TENM1: variants seen among roughly 807,000 people sequenced by gnomAD.
TENM1 encodes the protein teneurin transmembrane protein 1, also known as teneurin-1.
TENM1 carries 35 observed loss-of-function variants against 174.8 expected under a neutral mutation model. The ratio of observed to expected loss-of-function variants is 0.20; its 90% CI spans 0.15 to 0.27. TENM1 has a LOEUF of 0.27. Among genes scored for constraint, TENM1 ranks in the 10% least tolerant of loss-of-function variants. The pLI, the probability that TENM1 is intolerant of heterozygous loss-of-function variation, is 1.00. For missense variants in TENM1, 1,633 were observed against 2,130.1 expected (o/e 0.77, Z 4.59); for synonymous variants, 781 against 798.7 (o/e 0.98, Z 0.37).
At chrX:124,401,161 G>C (rs770185095) in intron 27 of TENM1, among the ~76,000 whole-genome samples, 1 of 111,565 alleles carries the variant, frequency 9.0e-6, no homozygotes, top group South Asian at 3.8e-4. Context: ...TCCAAAGATA[G>C]GTCTATCCTT....
At chrX:124,676,993 A>G (rs1411322895) in intron 5 of TENM1, among the ~76,000 whole-genome samples, 2 of 110,915 alleles carry the variant, frequency 1.8e-5, no homozygotes, top group African/African-American at 6.5e-5. Context: ...GCACACTTGA[A>G]GTGTGGCTAG....
the TENM1 span, among the ~76,000 whole-genome samples, chrX:125,093,386 C>T: frequency 9.0e-6 from 1 of 111,700 alleles, no homozygotes; most frequent in Non-Finnish European, 1.9e-5. Context: ...CCTGAATTCA[C>T]ATAAATGTAA....
the TENM1 span, among the ~76,000 whole-genome samples, chrX:125,062,187 T>A: frequency 8.9e-5 from 10 of 112,240 alleles, no homozygotes; most frequent in East Asian, 2.8e-3. Context: ...TCACTTAGAA[T>A]AGTTCCTGGC....
chrX:124,974,988 A>G, the TENM1 span, among the ~76,000 whole-genome samples: 4 of 104,259 alleles, frequency 3.8e-5, no homozygotes, highest in Non-Finnish European at 7.9e-5. Context: ...ATGCGGGCCC[A>G]GGAACTCTGG....
chrX:124,969,990 C>T, the TENM1 span, among the ~76,000 whole-genome samples: 1 of 111,799 alleles, frequency 8.9e-6, no homozygotes, highest in Non-Finnish European at 1.9e-5. Flanking sequence ...CATTCCTTCT[C>T]CTCTTCCCTT....
intron 23 of TENM1, among the ~76,000 whole-genome samples, chrX:124,423,467 G>C (rs926777265): frequency 2.7e-5 from 3 of 111,602 alleles, no homozygotes; most frequent in Non-Finnish European, 5.6e-5. Flanking sequence ...ATGATTTGTG[G>C]TATAGTAGAG....
chrX:124,530,941 T>C (rs2048091755), intron 15 of TENM1, among the ~76,000 whole-genome samples: 1 of 110,999 alleles, frequency 9.0e-6, no homozygotes, highest in African/African-American at 3.3e-5. Flanking sequence ...AAGAGTGCCC[T>C]GGGACAAATC....
the TENM1 span, among the ~76,000 whole-genome samples, chrX:125,196,287 C>T: frequency 2.7e-5 from 3 of 110,867 alleles, no homozygotes; most frequent in Admixed American, 2.9e-4. Flanking sequence ...GTCACAGTCA[C>T]AAAAACATAT....
rs1240151491 is a variant in TENM1 at position 124,561,829 on chromosome X, T to C, written c.2288-12A>G. ...CCCTGGGCAGCCATCTGAAAAGACA[T>C]CAGAGAGTAACCATCACAGAGACAT... On this transcript the variant is annotated splice_polypyrimidine_tract_variant and intron_variant, in intron 13 of 31. Coordinates refer to ENST00000422452, the Ensembl canonical transcript of TENM1. 1.4e-5 allele frequency: 17 copies of C among 1,206,310 alleles called. No individual in the cohort carries two copies. The highest frequency in any genetic ancestry group is 1.9e-5 in the Non-Finnish European group (17 of 892,848).
At chrX:125,072,044 G>T in the TENM1 span, among the ~76,000 whole-genome samples, 1 of 111,201 alleles carries the variant, frequency 9.0e-6, no homozygotes, top group Admixed American at 9.6e-5. Context: ...ACTTATTTAA[G>T]GTCATACAGC....
intron 5 of TENM1, among the ~76,000 whole-genome samples, chrX:124,697,443 C>T (rs1603023128): frequency 9.0e-6 from 1 of 110,933 alleles, no homozygotes; most frequent in South Asian, 3.8e-4. Context: ...TATTTAAATG[C>T]TATCTGTACT....
At chrX:124,392,067 A>G in exon 28 of TENM1, 1 of 1,206,530 alleles carries the variant, frequency 8.3e-7, no homozygotes, top group Non-Finnish European at 1.1e-6. Context: ...CTAAGTAGGT[A>G]TAGCTCCAAA....
intron 4 of TENM1, among the ~76,000 whole-genome samples, chrX:124,720,365 T>G (rs912013489): frequency 3.6e-5 from 4 of 112,217 alleles, no homozygotes; most frequent in Non-Finnish European, 7.5e-5. Context: ...AGACATTGTT[T>G]TCTACTAATA....
chrX:124,492,035 A>T (rs2047078781), intron 20 of TENM1, among the ~76,000 whole-genome samples: 1 of 111,913 alleles, frequency 8.9e-6, no homozygotes, highest in South Asian at 3.8e-4. Context: ...TCAATTTTAT[A>T]GATAAGGAAG....
chrX:124,387,789 A>G (rs1221404004), intron 28 of TENM1, among the ~76,000 whole-genome samples: 4 of 112,200 alleles, frequency 3.6e-5, no homozygotes, highest in Admixed American at 2.8e-4. Flanking sequence ...ACGCCTGCAG[A>G]GCCAGAGGTG....
chrX:124,586,674 G>C lies in TENM1; in HGVS notation c.2078-21114C>G, dbSNP rs1176739674. On this transcript the variant is annotated intron_variant, in intron 11 of 31. Coordinates refer to ENST00000422452, the Ensembl canonical transcript of TENM1. The stretch of plus-strand genomic sequence containing the variant: ...ACCACTCCTATTCAACATAGTGTTG[G>C]AAGTTCTGGCCAGGGCAATTAGGCA... 2.8e-5 allele frequency among the ~76,000 whole-genome samples: 3 copies of C among 106,691 alleles called. No homozygotes were observed. In the Admixed American group the frequency reaches 3.0e-4, roughly 11 times the overall value. The allele number at this position is 106,691 out of a possible 115,157, so 92.6% of individuals were successfully genotyped here.
chrX:124,556,610 C>T (rs960933288), intron 14 of TENM1, among the ~76,000 whole-genome samples: 3 of 111,026 alleles, frequency 2.7e-5, no homozygotes, highest in African/African-American at 9.8e-5. Flanking sequence ...GAAATCATTA[C>T]GCATTTACCT....
the TENM1 span, among the ~76,000 whole-genome samples, chrX:125,039,109 T>C: frequency 9.0e-6 from 1 of 111,474 alleles, no homozygotes; most frequent in Non-Finnish European, 1.9e-5. Flanking sequence ...CACATCTCTA[T>C]CTTTAAATTC....
chrX:124,939,225 C>A (rs747541509), intron 1 of TENM1, among the ~76,000 whole-genome samples: 142 of 112,060 alleles, frequency 1.3e-3, no homozygotes, highest in Non-Finnish European at 2.1e-3. Context: ...TTCCTCATGG[C>A]CATAAAACCT....
Sources: allele counts gnomAD v4.1 joint callset (sites outside exome capture counted in the v4.1 genomes callset), GRCh38; gene constraint gnomAD v4.1.1; transcripts MANE v1.5; gene names NCBI Gene and HGNC (gene_info 2026-07-23, HGNC 2026-07-21).